Variants in SLC7A9 observed in about 807,000 individuals in gnomAD.
SLC7A9 encodes the protein B(0,+)-type amino acid transporter 1.
A neutral mutation model predicts 54.1 loss-of-function variants in SLC7A9; 38 were observed. The observed-to-expected ratio is 0.70, with a 90% confidence interval of 0.54 to 0.92. The LOEUF (loss-of-function observed/expected upper bound fraction) is 0.92, where lower values mean the gene tolerates loss of function less well. Ranked by LOEUF, SLC7A9 falls within the 40% of genes least tolerant of loss-of-function variation. The pLI, the probability that SLC7A9 is intolerant of heterozygous loss-of-function variation, is 0.00. For missense variants in SLC7A9, 537 were observed against 636.1 expected (o/e 0.84, Z 1.68); for synonymous variants, 264 against 258.9 (o/e 1.02, Z -0.19).
intron 9 of SLC7A9, among the ~76,000 whole-genome samples, chr19:32,855,401 A>G (rs1968589606): frequency 1.3e-5 from 2 of 152,224 alleles, no homozygotes; most frequent in South Asian, 2.1e-4. Flanking sequence ...CCAGTCCCTC[A>G]GCTAATAGAA....
chr19:32,838,616 T>G (rs1186579850), intron 11 of SLC7A9, among the ~76,000 whole-genome samples: 7 of 147,034 alleles, frequency 4.8e-5, no homozygotes, highest in Non-Finnish European at 8.9e-5. Context: ...ATACCTATAA[T>G]ATATACTTAT....
At position 32,864,173 on chromosome 19, in the gene SLC7A9, T is replaced by C; in HGVS notation, c.401A>G (p.Glu134Gly). The C allele has an allele frequency of 6.2e-7, 1 of 1,614,136 alleles. No homozygotes were observed. The highest frequency in any genetic ancestry group is 8.5e-7 in the Non-Finnish European group (1 of 1,180,014). The change falls in exon 4 of 13, where the codon GAG (glutamate) becomes GGG (glycine). Residue 134 changes from glutamate to glycine, a missense_variant. Physicochemically the swap from Glu to Gly is moderately conservative, Grantham distance 98. Coordinates refer to ENST00000023064, the MANE Select transcript of SLC7A9 (RefSeq NM_014270.5). ...CACATAGAAGGGCGCACACACATAC[T>C]CGGAGAAGCTGAGGCAGATGATGGC... is the stretch of plus-strand genomic sequence containing the variant. Reference protein sequence around the residue: ...SFAIICLSFSEYVCAPFYVGC... With the variant: ...SFAIICLSFSGYVCAPFYVGC...
intron 2 of SLC7A9, among the ~76,000 whole-genome samples, chr19:32,867,329 C>A (rs1969000332): frequency 6.6e-6 from 1 of 151,894 alleles, no homozygotes; most frequent in Non-Finnish European, 1.5e-5. Context: ...CAGCAAGATA[C>A]TGACTCTACA....
intron 11 of SLC7A9, among the ~76,000 whole-genome samples, chr19:32,837,730 C>T (rs996640003): frequency 6.6e-5 from 10 of 152,016 alleles, no homozygotes; most frequent in African/African-American, 1.9e-4. Flanking sequence ...TACGCCTACA[C>T]GTGGCTTTCA....
intron 9 of SLC7A9, among the ~76,000 whole-genome samples, chr19:32,846,351 C>T (rs998817375): frequency 5.3e-5 from 8 of 152,166 alleles, no homozygotes; most frequent in African/African-American, 1.9e-4. Flanking sequence ...GCTTAAAAAA[C>T]GGTGCACCAG....
chr19:32,862,432 C>T (rs372420476), intron 5 of SLC7A9, 29 bp downstream of exon 5: 4 of 1,611,990 alleles, frequency 2.5e-6, no homozygotes, highest in South Asian at 2.2e-5. Context: ...GGTGTGTGCC[C>T]GTGCAGGGCC....
chr19:32,863,820 G>C (rs1453037427), intron 4 of SLC7A9, among the ~76,000 whole-genome samples: 1 of 152,196 alleles, frequency 6.6e-6, no homozygotes. Context: ...GCAGCCTCCC[G>C]AGTAGCTGGG....
In SLC7A9 at chr19:32,843,932, G is replaced by A. The variant is rs121908484; in HGVS notation, c.997C>T (p.Arg333Trp). The change falls in exon 10 of 13, where the codon CGG becomes TGG. Residue 333 changes from arginine to tryptophan, a missense_variant. Coordinates refer to ENST00000023064, the MANE Select transcript of SLC7A9 (RefSeq NM_014270.5). ...AGCACTTTGAGCATGTGACCCTCCC[G>A]GCCCGCCACGTAAATGAGTCTGGAA... ...TAGRLIYVAGREGHMLKVLSY... is the reference protein window; with the variant it reads ...TAGRLIYVAGWEGHMLKVLSY... The A allele has an allele frequency of 2.1e-4, 335 of 1,613,392 alleles. No homozygotes were observed. The highest frequency in any genetic ancestry group is 2.6e-4 in the Non-Finnish European group (312 of 1,179,806).
At position 32,842,148 on chromosome 19, in the gene SLC7A9, C is replaced by T; in HGVS notation, c.1224+20G>A. ...TTAAAAAATCCAAAGCCACTCGTGACTCTGGGGCTGCAAGCTTACCTTGAT... is the reference window on the plus strand; with the variant it reads ...TTAAAAAATCCAAAGCCACTCGTGATTCTGGGGCTGCAAGCTTACCTTGAT... On this transcript the variant is annotated intron_variant, in intron 11 of 12. Transcript: ENST00000023064. 1 of 1,613,946 alleles carries T rather than the reference C, an allele frequency of 6.2e-7. No homozygotes were observed. Among genetic ancestry groups the T allele is most frequent in the African/African-American group, 1.3e-5 (1 of 75,044 alleles).
Position 32,833,165 on chromosome 19 carries a change from C to G in SLC7A9, c.1383G>C (p.Trp461Cys). 1 of 1,614,100 alleles carries G rather than the reference C, an allele frequency of 6.2e-7. No individual in the cohort carries two copies. Among genetic ancestry groups the G allele is most frequent in the Non-Finnish European group, 8.5e-7 (1 of 1,180,004 alleles). Residue 461 changes from tryptophan (W) to cysteine (C), a missense_variant, in exon 12 of 13, where the codon TGG becomes TGC. Trp to Cys is a radical substitution (Grantham distance 215). Coordinates refer to ENST00000023064, the MANE Select transcript of SLC7A9 (RefSeq NM_014270.5). ...GGTACTTACTTGAGATTTTCTGAGC[C>G]CATCCAAACTTGTAGTGGACAAACA... Reference protein sequence around the residue: ...YFLFVHYKFGWAQKISKPITM... With the variant: ...YFLFVHYKFGCAQKISKPITM...
At chr19:32,843,134 A>G (rs868246465) in intron 10 of SLC7A9, among the ~76,000 whole-genome samples, 1 of 152,122 alleles carries the variant, frequency 6.6e-6, no homozygotes, top group Admixed American at 6.6e-5. Context: ...AACAAGAACC[A>G]TGCACCATGG....
chr19:32,833,463 C>A (rs1967867067), intron 11 of SLC7A9, 140 bp from the exon 12 acceptor site: 1 of 890,820 alleles, frequency 1.1e-6, no homozygotes, highest in Non-Finnish European at 1.8e-6. Context: ...TTTTGCCAAT[C>A]TTATTTCATC....
intron 4 of SLC7A9, chr19:32,863,114 A>G (rs1351544823): frequency 6.6e-6 from 1 of 151,520 alleles, no homozygotes; most frequent in Non-Finnish European, 1.5e-5. Flanking sequence ...TTTTATTTTT[A>G]TCTATTTATT....
At chr19:32,847,181 A>G (rs1221197948) in intron 9 of SLC7A9, among the ~76,000 whole-genome samples, 2 of 152,238 alleles carry the variant, frequency 1.3e-5, no homozygotes, top group Non-Finnish European at 1.5e-5. Context: ...ACAAAGCTGG[A>G]CAGAGAATGA....
chr19:32,855,224 C>G (rs761183913), intron 9 of SLC7A9, among the ~76,000 whole-genome samples: 3 of 152,112 alleles, frequency 2.0e-5, no homozygotes, highest in Non-Finnish European at 2.9e-5. Flanking sequence ...CATGATCTCC[C>G]TTATGTATTA....
chr19:32,835,418 A>G lies in SLC7A9; in HGVS notation c.1225-2095T>C, dbSNP rs985092019. Among the ~76,000 whole-genome samples, 5 of 152,384 alleles carry G rather than the reference A, an allele frequency of 3.3e-5. No homozygotes were observed. In the South Asian group the frequency reaches 8.3e-4, roughly 25 times the overall value. On this transcript the variant is annotated intron_variant, in intron 11 of 12. Transcript: ENST00000023064. ...GCAATTAATCTTTACAACATAAGTT[A>G]TGTTCTAAAGATTAATACAAATCAT...
At chr19:32,842,426 A>G in intron 10 of SLC7A9, 109 bp from the exon 11 acceptor site, 1 of 1,071,598 alleles carries the variant, frequency 9.3e-7, no homozygotes, top group South Asian at 1.3e-5. Context: ...TTAGCATGAA[A>G]CGAACTTCTA....
At chr19:32,845,723 T>G (rs945999065) in intron 9 of SLC7A9, among the ~76,000 whole-genome samples, 4 of 152,084 alleles carry the variant, frequency 2.6e-5, no homozygotes, top group African/African-American at 9.7e-5. Context: ...TCTAAAGAAT[T>G]GAGGCCAGGC....
chr19:32,851,497 C>T (rs200399858), intron 9 of SLC7A9, among the ~76,000 whole-genome samples: 82,926 of 146,024 alleles, frequency 0.57, 24,041 homozygotes, highest in East Asian at 0.82. Context: ...GTTAGAATGG[C>T]GATCATTAAA....
Sources: allele counts gnomAD v4.1 joint callset (sites outside exome capture counted in the v4.1 genomes callset), GRCh38; gene constraint gnomAD v4.1.1; transcripts MANE v1.5; gene names NCBI Gene and HGNC (gene_info 2026-07-23, HGNC 2026-07-21).